DCLK2: variants seen among roughly 807,000 people sequenced by gnomAD.
DCLK2 encodes the protein serine/threonine-protein kinase DCLK2.
DCLK2 carries 31 observed loss-of-function variants against 78.4 expected under a neutral mutation model. That is an observed-to-expected ratio of 0.40 (90% confidence interval 0.30 to 0.53). DCLK2 has a LOEUF of 0.53. Ranked by LOEUF, DCLK2 falls within the 20% of genes least tolerant of loss-of-function variation. The probability of loss-of-function intolerance (pLI) is 0.61; values close to 1 mark genes in which losing one functional copy is unlikely to be tolerated. For missense variants in DCLK2, 872 were observed against 973.7 expected (o/e 0.90, Z 1.39); for synonymous variants, 407 against 374.9 (o/e 1.09, Z -0.99).
intron 5 of DCLK2, among the ~76,000 whole-genome samples, chr4:150,214,971 AAG>A (rs1740581726): frequency 6.9e-6 from 1 of 145,372 alleles, no homozygotes; most frequent in African/African-American, 2.8e-5. Context: ...AAAAAAAAAA[AAG>A]AAAGAAAATG....
chr4:150,097,810 C>G (rs1730573499), intron 1 of DCLK2, among the ~76,000 whole-genome samples: 1 of 152,128 alleles, frequency 6.6e-6, no homozygotes, highest in Non-Finnish European at 1.5e-5. Context: ...GTATATAGTA[C>G]TCATATGATC....
At chr4:150,151,392 T>C (rs998429495) in intron 2 of DCLK2, among the ~76,000 whole-genome samples, 2 of 152,180 alleles carry the variant, frequency 1.3e-5, no homozygotes, top group African/African-American at 2.4e-5. Context: ...AATTAGAACC[T>C]CTGCATGCCC....
At chr4:150,088,358 A>T (rs1481017941) in intron 1 of DCLK2, among the ~76,000 whole-genome samples, 2 of 150,556 alleles carry the variant, frequency 1.3e-5, no homozygotes, top group African/African-American at 4.9e-5. Context: ...GAGTCCTAGC[A>T]TGCAGTGGCT....
intron 1 of DCLK2, among the ~76,000 whole-genome samples, chr4:150,098,470 G>GA (rs1730623638): frequency 6.6e-6 from 1 of 151,938 alleles, no homozygotes; most frequent in South Asian, 2.1e-4. Flanking sequence ...ATCTACTTAT[G>GA]AAAAAAATAC....
intron 2 of DCLK2, among the ~76,000 whole-genome samples, chr4:150,154,524 T>G (rs1177819094): frequency 6.6e-6 from 1 of 152,206 alleles, no homozygotes; most frequent in African/African-American, 2.4e-5. Flanking sequence ...AATTTTTAGA[T>G]CCAGTATGAA....
At chr4:150,199,102 T>C (rs773484048) in intron 4 of DCLK2, 2 of 1,590,458 alleles carry the variant, frequency 1.3e-6, no homozygotes, top group Admixed American at 3.4e-5. Context: ...ATTGTGGCTT[T>C]GTTGCTCTGC....
rs1453152845 is a variant in DCLK2 at position 150,236,979 on chromosome 4, C to A, written c.1567-2763C>A. 3.9e-5 allele frequency among the ~76,000 whole-genome samples: 6 copies of A among 152,282 alleles called. No individual in the cohort carries two copies. The East Asian group carries it at 7.7e-4, about 20-fold the overall frequency. On this transcript the variant is annotated intron_variant, in intron 10 of 15. Transcript: ENST00000296550. ...ACTTCAGGGACTTCTGAGTATCTGA[C>A]AGCAACCTCTGAATACCCCTAGGCA...
At chr4:150,199,263 G>C (rs1006462327) in intron 4 of DCLK2, among the ~76,000 whole-genome samples, 12 of 152,156 alleles carry the variant, frequency 7.9e-5, no homozygotes, top group Non-Finnish European at 2.9e-5. Flanking sequence ...TTAGAGAACT[G>C]GTTATCATCA....
chr4:150,098,013 C>T (rs973026406), intron 1 of DCLK2, among the ~76,000 whole-genome samples: 1 of 152,118 alleles, frequency 6.6e-6, no homozygotes, highest in Non-Finnish European at 1.5e-5. Context: ...GAAGAACACA[C>T]CTTATAAGAT....
chr4:150,108,655 G>C (rs1001652684), intron 2 of DCLK2, among the ~76,000 whole-genome samples: 2 of 152,052 alleles, frequency 1.3e-5, no homozygotes, highest in Non-Finnish European at 2.9e-5. Context: ...TTGAAAGAGT[G>C]ACATTCTCAT....
chr4:150,108,641 T>C (rs886543117), intron 2 of DCLK2, among the ~76,000 whole-genome samples: 1 of 152,160 alleles, frequency 6.6e-6, no homozygotes, highest in African/African-American at 2.4e-5. Flanking sequence ...ACTTTTTAAA[T>C]TTTTTGAAAG....
chr4:150,094,188 A>G (rs547608283), intron 1 of DCLK2, among the ~76,000 whole-genome samples: 9 of 152,366 alleles, frequency 5.9e-5, no homozygotes, highest in Non-Finnish European at 1.3e-4. Flanking sequence ...CAACAAATGT[A>G]AAAATAGACA....
At chr4:150,228,875 A>G (rs1343700676) in intron 8 of DCLK2, among the ~76,000 whole-genome samples, 5 of 150,990 alleles carry the variant, frequency 3.3e-5, no homozygotes, top group African/African-American at 1.2e-4. Context: ...AAATACAAAA[A>G]ATTAGCCAGG....
intron 2 of DCLK2, among the ~76,000 whole-genome samples, chr4:150,185,730 T>A (rs1737879222): frequency 6.7e-6 from 1 of 149,130 alleles, no homozygotes; most frequent in Non-Finnish European, 1.5e-5. Context: ...AAAAAAAAAT[T>A]AATTAATAAA....
intron 2 of DCLK2, among the ~76,000 whole-genome samples, chr4:150,143,441 C>T (rs1734242172): frequency 6.6e-6 from 1 of 152,128 alleles, no homozygotes; most frequent in Non-Finnish European, 1.5e-5. Context: ...CCCAGGAGTT[C>T]CAGACAAGCC....
chr4:150,099,544 G>A (rs567419898), intron 1 of DCLK2, among the ~76,000 whole-genome samples: 6 of 152,304 alleles, frequency 3.9e-5, no homozygotes, highest in South Asian at 2.1e-4. Flanking sequence ...GGCTGTTGTC[G>A]TCAAGGTATA....
chr4:150,229,928 A>T (rs1222211633), intron 8 of DCLK2, among the ~76,000 whole-genome samples: 1 of 152,238 alleles, frequency 6.6e-6, no homozygotes, highest in Non-Finnish European at 1.5e-5. Flanking sequence ...TTTTTTACAT[A>T]TTAGAAACAA....
chr4:150,207,558 C>T (rs933534858), intron 5 of DCLK2, among the ~76,000 whole-genome samples: 3 of 152,180 alleles, frequency 2.0e-5, no homozygotes, highest in Non-Finnish European at 2.9e-5. Context: ...TTTCTTGGTA[C>T]TCTTACGAGA....
rs1739583540 is a variant in DCLK2, at chr4:150,203,286, A to G, written c.962-509A>G. Among the ~76,000 whole-genome samples, 2 of 152,216 alleles carry G rather than the reference A, an allele frequency of 1.3e-5. 1 individual carries two copies. The highest frequency in any genetic ancestry group is 4.1e-4 in the South Asian group (2 of 4,824). The stretch of plus-strand genomic sequence containing the variant: ...GGAATTACAAGGAAAACTACCAGCA[A>G]ATTTTCCCTTTTCATTAAGAAAATA... On this transcript the variant is annotated intron_variant, in intron 4 of 15. Coordinates refer to ENST00000296550, the MANE Select transcript of DCLK2 (RefSeq NM_001040260.4).
Sources: gnomAD v4.1 joint callset for allele counts (sites outside exome capture counted in the v4.1 genomes callset) on GRCh38, gnomAD v4.1.1 for gene constraint, MANE v1.5 for transcripts, NCBI Gene and HGNC (gene_info 2026-07-23, HGNC 2026-07-21) for gene names.